The following IMPG1 variants were observed in gnomAD, a reference collection of about 807,000 sequenced individuals.
IMPG1 encodes interphotoreceptor matrix proteoglycan of 150 kDa.
In IMPG1, 85 loss-of-function variants were observed where a neutral mutation model predicts 92.0. The ratio of observed to expected loss-of-function variants is 0.92; its 90% CI spans 0.78 to 1.11. The LOEUF (loss-of-function observed/expected upper bound fraction) is 1.11, where lower values mean the gene tolerates loss of function less well. IMPG1 is among the 50% of genes least tolerant of loss of function. The pLI, the probability that IMPG1 is intolerant of heterozygous loss-of-function variation, is 0.00. For missense variants in IMPG1, 1,022 were observed against 956.0 expected, an observed-to-expected ratio of 1.07 and a Z score of -0.91; for synonymous variants, 367 against 334.1, an observed-to-expected ratio of 1.10 and a Z score of -1.08.
intron 12 of IMPG1, among the ~76,000 whole-genome samples, chr6:76,002,559 C>T (rs748336857): frequency 2.0e-5 from 3 of 152,196 alleles, no homozygotes; most frequent in African/African-American, 7.2e-5. Context: ...GGACTTGGGC[C>T]TTAGGACCTA....
chr6:76,031,017 C>T (rs1462798973), intron 4 of IMPG1, among the ~76,000 whole-genome samples: 2 of 152,038 alleles, frequency 1.3e-5, no homozygotes, highest in Admixed American at 6.6e-5. Context: ...GGTGAGTGTC[C>T]CTGCTTCCCC....
rs141838385 is a variant in IMPG1 at position 76,041,867 on chromosome 6, C to T, written c.301+26G>A. 600 of 1,456,442 alleles carry T rather than the reference C, an allele frequency of 4.1e-4. 1 individual carries two copies. In the African/African-American group the frequency reaches 5.6e-3, roughly 14 times the overall value. 90.2% of individuals were successfully genotyped at this position (1,456,442 alleles called of 1,614,324 possible). A position where few individuals can be genotyped will look rare whatever the true frequency, so the allele number is the denominator to read the frequency against. On this transcript the variant is annotated intron_variant, in intron 2 of 16. Transcript: ENST00000369950. ...GGGAAGGGATGGAAATAACACAAGGCTAAACGGTTTCATCTCTTTCCTTAC... is the reference window on the plus strand; with the variant it reads ...GGGAAGGGATGGAAATAACACAAGGTTAAACGGTTTCATCTCTTTCCTTAC...
At chr6:75,940,236 T>C (rs1330254369) in intron 14 of IMPG1, among the ~76,000 whole-genome samples, 2 of 152,218 alleles carry the variant, frequency 1.3e-5, no homozygotes, top group African/African-American at 4.8e-5. Context: ...TCAGTTGAAG[T>C]TTCCCAAATG....
intron 12 of IMPG1, among the ~76,000 whole-genome samples, chr6:75,978,685 T>C (rs924655187): frequency 6.6e-6 from 1 of 152,228 alleles, no homozygotes; most frequent in African/African-American, 2.4e-5. Flanking sequence ...ACAAAAATTA[T>C]TGAATATCTA....
intron 2 of IMPG1, among the ~76,000 whole-genome samples, chr6:76,035,147 G>A (rs1164193223): frequency 6.6e-6 from 1 of 152,048 alleles, no homozygotes. Context: ...GGCACTGAAG[G>A]AGCAGGGAGG....
intron 12 of IMPG1, among the ~76,000 whole-genome samples, chr6:75,986,366 G>GA (rs926167061): frequency 9.3e-5 from 14 of 150,126 alleles, no homozygotes; most frequent in South Asian, 2.1e-4. Context: ...TCTAAGAATT[G>GA]AAAAAAAAAT....
At chr6:75,952,639 T>C (rs1782051283) in intron 12 of IMPG1, among the ~76,000 whole-genome samples, 1 of 152,140 alleles carries the variant, frequency 6.6e-6, no homozygotes, top group African/African-American at 2.4e-5. Flanking sequence ...GGGCTGAATG[T>C]TTGTGTCCAT....
At chr6:76,026,408 A>G (rs1233859469) in intron 4 of IMPG1, among the ~76,000 whole-genome samples, 1 of 152,154 alleles carries the variant, frequency 6.6e-6, no homozygotes, top group Non-Finnish European at 1.5e-5. Context: ...GGGTGGGGGA[A>G]ACCATGCCCC....
rs1437845064 is a variant in IMPG1, at chr6:76,022,119, T to C, written c.663A>G (p.Thr221=). 6.4e-7 allele frequency: 1 copy of C among 1,554,604 alleles called. No homozygotes were observed. Among genetic ancestry groups the C allele is most frequent in the Non-Finnish European group, 8.8e-7 (1 of 1,131,544 alleles). ...ATCAACTCTAGGAACTTCTTACTGT[T>C]GTAGGCATCTTGGTGTCGTTGAGTG... is the stretch of plus-strand genomic sequence containing the variant. ...DNTLNDTKMP[T]TERETEFAVL... Residue 221 remains threonine (T), a synonymous_variant, in exon 6 of 17, where the codon ACA becomes ACG. Coordinates refer to ENST00000369950, the MANE Select transcript of IMPG1 (RefSeq NM_001563.4).
At chr6:76,034,511 C>T (rs552476069) in intron 3 of IMPG1, 110 bp downstream of exon 3, 2 of 1,293,000 alleles carry the variant, frequency 1.5e-6, no homozygotes, top group Admixed American at 1.9e-5. Flanking sequence ...CCTCCAAGCA[C>T]TTCTTCAATT....
intron 2 of IMPG1, among the ~76,000 whole-genome samples, chr6:76,039,570 G>A (rs1300907985): frequency 6.6e-6 from 1 of 152,136 alleles, no homozygotes; most frequent in Non-Finnish European, 1.5e-5. Flanking sequence ...TGGCCAGGCT[G>A]GTCTTGAACT....
chr6:76,062,787 T>G (rs1259943753), intron 1 of IMPG1, among the ~76,000 whole-genome samples: 1 of 151,660 alleles, frequency 6.6e-6, no homozygotes, highest in African/African-American at 2.4e-5. Context: ...AAGATTAACA[T>G]ATATTCACAG....
chr6:75,923,585 C>A (rs1459173439), intron 16 of IMPG1, 49 bp downstream of exon 16: 3 of 872,760 alleles, frequency 3.4e-6, no homozygotes, highest in Non-Finnish European at 5.8e-6. Context: ...TAATTTCCTT[C>A]AAAAGTCAAG....
chr6:76,072,318 C>A, intron 1 of IMPG1, 104 bp downstream of exon 1: 1 of 631,882 alleles, frequency 1.6e-6, no homozygotes. Context: ...CTACTATATA[C>A]TAGCCCGTGA....
chr6:75,947,327 G>A lies in IMPG1; in HGVS notation c.2031C>T (p.Leu677=). The change falls in exon 14 of 17, where the codon CTC becomes CTT. Residue 677 remains leucine, a synonymous_variant. Coordinates refer to ENST00000369950, the MANE Select transcript of IMPG1 (RefSeq NM_001563.4). ...GGATTCTTTTACCTGGTTCAATGTTGAGAGAGTAGCTGTCTATTTCCAGAT... is the reference window on the plus strand; with the variant it reads ...GGATTCTTTTACCTGGTTCAATGTTAAGAGAGTAGCTGTCTATTTCCAGAT... ...QLHLEIDSYS[L]NIEPADQADP... is the part of the protein sequence containing the mutation. 6.2e-7 allele frequency: 1 copy of A among 1,612,876 alleles called. No individual in the cohort carries two copies. Among genetic ancestry groups the A allele is most frequent in the South Asian group, 1.1e-5 (1 of 91,042 alleles).
At chr6:76,052,201 G>T (rs1582131814) in intron 1 of IMPG1, among the ~76,000 whole-genome samples, 1 of 152,130 alleles carries the variant, frequency 6.6e-6, no homozygotes, top group Non-Finnish European at 1.5e-5. Flanking sequence ...TCTGGTAAAT[G>T]TCAGGGAGTG....
chr6:76,047,159 A>C (rs928668326), intron 1 of IMPG1, among the ~76,000 whole-genome samples: 13 of 152,124 alleles, frequency 8.5e-5, no homozygotes, highest in Admixed American at 7.2e-4. Context: ...TCACTGTGCT[A>C]TTCCTCAGTC....
chr6:75,966,316 C>A (rs372061602), intron 12 of IMPG1, among the ~76,000 whole-genome samples: 1 of 151,770 alleles, frequency 6.6e-6, no homozygotes, highest in East Asian at 1.9e-4. Context: ...TTTGAATGTC[C>A]CCTCTAAGAC....
intron 1 of IMPG1, 134 bp from the exon 2 acceptor site, chr6:76,042,260 C>T (rs2127594597): frequency 3.2e-6 from 2 of 622,004 alleles, no homozygotes; most frequent in Middle Eastern, 8.7e-4. Context: ...GGTGCAACTG[C>T]TAAACGTAAT....
Sources: allele counts gnomAD v4.1 joint callset (sites outside exome capture counted in the v4.1 genomes callset), GRCh38; gene constraint gnomAD v4.1.1; transcripts MANE v1.5; gene names NCBI Gene and HGNC (gene_info 2026-07-23, HGNC 2026-07-21).